Variants in PLEKHH2 observed in about 807,000 individuals in gnomAD.
PLEKHH2 encodes the protein pleckstrin homology, MyTH4 and FERM domain containing H2, also known as pleckstrin homology domain-containing family H member 2.
PLEKHH2 carries 129 observed loss-of-function variants against 187.9 expected under a neutral mutation model. The observed-to-expected ratio is 0.69, with a 90% CI of 0.59 to 0.79. The LOEUF is 0.79. Ranked by LOEUF, PLEKHH2 falls within the 30% of genes least tolerant of loss-of-function variation. The probability of loss-of-function intolerance (pLI) is 0.00; values close to 1 mark genes in which losing one functional copy is unlikely to be tolerated. For missense variants in PLEKHH2, 2,076 were observed against 1,751.2 expected, an observed-to-expected ratio of 1.19 and a Z score of -3.31; for synonymous variants, 686 against 605.6, an observed-to-expected ratio of 1.13 and a Z score of -1.95.
chr2:43,680,772 G>C (rs7561373), intron 3 of PLEKHH2: 246,139 of 362,466 alleles, frequency 0.68, 86,454 homozygotes, highest in African/African-American at 0.8. Flanking sequence ...TACAAAGTTT[G>C]TCATTCCAAG....
chr2:43,760,291 T>C (rs890833893), intron 27 of PLEKHH2, among the ~76,000 whole-genome samples: 4 of 152,102 alleles, frequency 2.6e-5, no homozygotes, highest in Non-Finnish European at 5.9e-5. Context: ...CGACACCTCC[T>C]TTGTTGCTTC....
At chr2:43,679,510 T>C in intron 3 of PLEKHH2, 1 of 361,406 alleles carries the variant, frequency 2.8e-6, no homozygotes, top group Non-Finnish European at 5.3e-6. Flanking sequence ...TTTTTTTTTT[T>C]TTTGAGACGG....
Position 43,700,077 on chromosome 2 carries a change from A to G in PLEKHH2, c.1119A>G (p.Glu373=). ...GTCCTCTTGGAAAGGGAAATTCTGA[A>G]TTAAGTAAAAAGGAACAAGATAGTT... ...LNSPLGKGNS[E]LSKKEQDSSS... is the part of the protein sequence containing the mutation. The change falls in exon 8 of 30, where the codon GAA becomes GAG. Residue 373 remains glutamate (E), a synonymous_variant. Transcript: ENST00000282406. The G allele has an allele frequency of 1.9e-6, 3 of 1,614,188 alleles. No individual in the cohort carries two copies. Among genetic ancestry groups the G allele is most frequent in the Non-Finnish European group, 2.5e-6 (3 of 1,180,028 alleles).
At chr2:43,697,604 G>A (rs953057998) in intron 7 of PLEKHH2, among the ~76,000 whole-genome samples, 18 of 152,234 alleles carry the variant, frequency 1.2e-4, no homozygotes, top group Admixed American at 9.2e-4. Flanking sequence ...GTAGGTGGAA[G>A]GTGGGTATTT....
intron 17 of PLEKHH2, among the ~76,000 whole-genome samples, chr2:43,727,181 A>T (rs1313944678): frequency 2.0e-5 from 3 of 152,326 alleles, no homozygotes; most frequent in East Asian, 1.9e-4. Flanking sequence ...CGGGAGGCCG[A>T]GGCGGGTGGA....
chr2:43,637,791 G>A (rs1010555183), intron 1 of PLEKHH2, among the ~76,000 whole-genome samples: 5 of 152,184 alleles, frequency 3.3e-5, no homozygotes, highest in African/African-American at 9.6e-5. Flanking sequence ...CTTAGGCTTC[G>A]GGAGATCCAC....
At position 43,712,752 on chromosome 2, in the gene PLEKHH2, A is replaced by C. The variant is rs556666096; in HGVS notation, c.2460+369A>C. ...GAACACCAATTGGGGGAAAAGGAACAAAAGACTCAATGGGCAGGAAAGAGA... is the reference window on the plus strand; with the variant it reads ...GAACACCAATTGGGGGAAAAGGAACCAAAGACTCAATGGGCAGGAAAGAGA... On this transcript the variant is annotated intron_variant, in intron 15 of 29. Transcript: ENST00000282406. 9.2e-5 allele frequency among the ~76,000 whole-genome samples: 14 copies of C among 152,328 alleles called. No homozygotes were observed. In the South Asian group the frequency reaches 1.4e-3, roughly 16 times the overall value.
At chr2:43,690,706 G>A (rs905004120) in intron 3 of PLEKHH2, among the ~76,000 whole-genome samples, 11 of 151,938 alleles carry the variant, frequency 7.2e-5, no homozygotes, top group African/African-American at 2.4e-4. Flanking sequence ...TTACCTATTT[G>A]GAGTATGTAG....
intron 2 of PLEKHH2, among the ~76,000 whole-genome samples, chr2:43,652,848 C>G (rs561728354): frequency 6.6e-6 from 1 of 152,296 alleles, no homozygotes; most frequent in Non-Finnish European, 1.5e-5. Context: ...GAGCAAAACT[C>G]TATCATTTAA....
intron 24 of PLEKHH2, among the ~76,000 whole-genome samples, chr2:43,750,235 T>C (rs760677716): frequency 2.0e-5 from 3 of 152,064 alleles, no homozygotes; most frequent in Non-Finnish European, 4.4e-5. Context: ...CACTTTGGGA[T>C]CCTAGGCAGG....
chr2:43,763,571 T>G (rs374410204), intron 28 of PLEKHH2, among the ~76,000 whole-genome samples: 5 of 150,222 alleles, frequency 3.3e-5, no homozygotes, highest in African/African-American at 1.2e-4. Context: ...AAGCATGTAC[T>G]ACCATGCCCG....
chr2:43,729,615 A>G (rs1357784522), intron 17 of PLEKHH2, 22 bp from the exon 18 acceptor site: 2 of 1,483,014 alleles, frequency 1.3e-6, no homozygotes, highest in Non-Finnish European at 1.8e-6. Context: ...TTAACATTTA[A>G]TTAATATGTT....
chr2:43,695,007 T>C, intron 5 of PLEKHH2, 136 bp from the exon 6 acceptor site: 1 of 417,998 alleles, frequency 2.4e-6, no homozygotes, highest in South Asian at 9.3e-5. Flanking sequence ...TAATCTGAGA[T>C]TTGTTTATCA....
At chr2:43,647,572 T>C (rs1245144740) in intron 2 of PLEKHH2, among the ~76,000 whole-genome samples, 1 of 152,160 alleles carries the variant, frequency 6.6e-6, no homozygotes, top group Non-Finnish European at 1.5e-5. Context: ...TATGTATGTA[T>C]GTAGTAATAA....
rs1440677144 is a variant in PLEKHH2, at chr2:43,641,150, T to C, written c.-3-3521T>C. Among the ~76,000 whole-genome samples, 4 of 152,140 alleles carry C rather than the reference T, an allele frequency of 2.6e-5. No homozygotes were observed. In the East Asian group the frequency reaches 7.7e-4, roughly 29 times the overall value. On this transcript the variant is annotated intron_variant, in intron 1 of 29. Coordinates refer to ENST00000282406, the MANE Select transcript of PLEKHH2 (RefSeq NM_172069.4). ...TTATCGTTGAGTCCTAAGAGTCCTT[T>C]ATATATTCTAGACACAAATCCCTGA...
intron 2 of PLEKHH2, among the ~76,000 whole-genome samples, 173 bp downstream of exon 2, chr2:43,644,969 A>C (rs1281020668): frequency 2.6e-5 from 4 of 152,136 alleles, no homozygotes; most frequent in East Asian, 1.9e-4. Context: ...TTAAGACAAA[A>C]AATATTTATT....
In PLEKHH2 at chr2:43,741,576, C is replaced by T. The variant is rs116279255; in HGVS notation, c.3221+533C>T. On this transcript the variant is annotated intron_variant, in intron 21 of 29. Transcript: ENST00000282406. ...AAGGCTTATCCAGGGTCATTTTGTCCACCAAGAGGTTTGTGTCAGGTTGCT... is the reference window on the plus strand; with the variant it reads ...AAGGCTTATCCAGGGTCATTTTGTCTACCAAGAGGTTTGTGTCAGGTTGCT... 8.4e-3 allele frequency among the ~76,000 whole-genome samples: 1,278 copies of T among 152,282 alleles called. 26 individuals carry two copies. Among genetic ancestry groups the T allele is most frequent in the African/African-American group, 0.03 (1,234 of 41,554 alleles).
intron 3 of PLEKHH2, among the ~76,000 whole-genome samples, chr2:43,685,324 T>A (rs989085688): frequency 1.1e-4 from 16 of 152,262 alleles, no homozygotes; most frequent in Non-Finnish European, 4.4e-5. Flanking sequence ...ATCACTTCTG[T>A]AACAATTAAC....
chr2:43,679,515 A>C, intron 3 of PLEKHH2: 1 of 226,000 alleles, frequency 4.4e-6, no homozygotes. Flanking sequence ...TTTTTTTTTG[A>C]GACGGAATCT....
Sources: allele counts gnomAD v4.1 joint callset (sites outside exome capture counted in the v4.1 genomes callset), GRCh38; gene constraint gnomAD v4.1.1; transcripts MANE v1.5; gene names NCBI Gene and HGNC (gene_info 2026-07-23, HGNC 2026-07-21).